SERPINI2: variants seen among roughly 807,000 people sequenced by gnomAD.
The protein encoded by SERPINI2 is serpin family I member 2, also known as serpin I2.
In SERPINI2, 48 loss-of-function variants were observed where a neutral mutation model predicts 47.3. The ratio of observed to expected loss-of-function variants is 1.02; its 90% CI spans 0.81 to 1.29. The LOEUF is 1.29. SERPINI2 is among the 50% of genes most tolerant of loss of function. The pLI is 0.00. For missense variants in SERPINI2, 448 were observed against 456.9 expected (o/e 0.98, Z 0.18); for synonymous variants, 135 against 149.3 (o/e 0.90, Z 0.70).
intron 7 of SERPINI2, chr3:167,446,909 T>A (rs1010963735): frequency 6.6e-6 from 1 of 151,250 alleles, no homozygotes; most frequent in African/African-American, 2.4e-5. Flanking sequence ...TCAAATTAAT[T>A]TTTTTTTTTA....
chr3:167,475,513 A>C (rs1750457104), upstream of SERPINI2, among the ~76,000 whole-genome samples: 1 of 151,798 alleles, frequency 6.6e-6, no homozygotes, highest in African/African-American at 2.4e-5. Context: ...TTGTTCTGTA[A>C]GGACCTTATA....
chr3:167,447,690 TATA>T (rs1337204019), intron 7 of SERPINI2, among the ~76,000 whole-genome samples: 1 of 152,204 alleles, frequency 6.6e-6, no homozygotes, highest in Non-Finnish European at 1.5e-5. Context: ...TCTTCACCAA[TATA>T]ATGAGATCAA....
intron 1 of SERPINI2, among the ~76,000 whole-genome samples, chr3:167,472,743 C>T (rs868042131): frequency 6.6e-6 from 1 of 151,946 alleles, no homozygotes; most frequent in Middle Eastern, 3.4e-3. Context: ...TATTAAAGTG[C>T]TCTCCACTAA....
At chr3:167,471,973 C>T (rs1480216712) in intron 1 of SERPINI2, 129 bp from the exon 2 acceptor site, 1 of 627,054 alleles carries the variant, frequency 1.6e-6, no homozygotes, top group Non-Finnish European at 2.7e-6. Flanking sequence ...GAACTCTATC[C>T]AATTAGATTT....
At chr3:167,474,480 G>T (rs1474516963), upstream of SERPINI2, among the ~76,000 whole-genome samples, 1 of 151,690 alleles carries the variant, frequency 6.6e-6, no homozygotes, top group African/African-American at 2.4e-5. Flanking sequence ...AATCACTGCT[G>T]CATTGACAGA....
intron 5 of SERPINI2, among the ~76,000 whole-genome samples, chr3:167,462,043 A>G (rs1004885672): frequency 1.3e-5 from 2 of 152,210 alleles, no homozygotes; most frequent in Non-Finnish European, 2.9e-5. Context: ...AGGTGTAAAG[A>G]TAACTCTTTT....
At chr3:167,466,410 G>T (rs1427599394) in intron 3 of SERPINI2, among the ~76,000 whole-genome samples, 5 of 152,244 alleles carry the variant, frequency 3.3e-5, no homozygotes, top group African/African-American at 1.2e-4. Context: ...CTTGGTATAT[G>T]CTTGTCACTT....
intron 5 of SERPINI2, among the ~76,000 whole-genome samples, chr3:167,459,143 C>T (rs1420096925): frequency 1.3e-5 from 2 of 148,982 alleles, no homozygotes; most frequent in South Asian, 2.1e-4. Context: ...GGCGGGATCT[C>T]GGCTCACTGC....
At chr3:167,475,902 G>A (rs1750470553), upstream of SERPINI2, among the ~76,000 whole-genome samples, 1 of 151,624 alleles carries the variant, frequency 6.6e-6, no homozygotes, top group Non-Finnish European at 1.5e-5. Flanking sequence ...AAGTAAAAGT[G>A]CACTTAATTC....
rs1419422289 is a variant in SERPINI2 at position 167,449,405 on chromosome 3, G to C, written c.965-3C>G. The C allele has an allele frequency of 6.3e-7, 1 of 1,583,230 alleles. No homozygotes were observed. The highest frequency in any genetic ancestry group is 1.7e-5 in the Admixed American group (1 of 57,990). ...GGAAACATACACTTCAGATGAATCT[G>C]GTTAAAAAAAAATACACAAAAGTGT... On this transcript the variant is annotated splice_polypyrimidine_tract_variant and splice_region_variant and intron_variant, in intron 6 of 8. Transcript: ENST00000264677.
exon 2 of SERPINI2, chr3:167,471,610 T>G: frequency 6.2e-7 from 1 of 1,613,552 alleles, no homozygotes. Flanking sequence ...CCTGTTGTTT[T>G]AAAGTTTGTC....
intron 8 of SERPINI2, 56 bp downstream of exon 8, chr3:167,446,336 G>A: frequency 8.5e-7 from 1 of 1,176,046 alleles, no homozygotes. Context: ...ATTAGAAACT[G>A]GAACTAGTTC....
At chr3:167,452,834 T>C in intron 6 of SERPINI2, 102 bp downstream of exon 6, 1 of 647,526 alleles carries the variant, frequency 1.5e-6, no homozygotes, top group Non-Finnish European at 2.7e-6. Context: ...TGTGCGTATA[T>C]TTATCAGAGC....
intron 5 of SERPINI2, among the ~76,000 whole-genome samples, chr3:167,454,309 T>C (rs1480070936): frequency 6.6e-6 from 1 of 152,372 alleles, no homozygotes; most frequent in East Asian, 1.9e-4. Flanking sequence ...TAAAACAATA[T>C]GTTTTTTTGG....
chr3:167,467,128 T>C (rs917684792), exon 3 of SERPINI2: 7 of 1,613,466 alleles, frequency 4.3e-6, no homozygotes, highest in South Asian at 3.3e-5. Context: ...CCACCAGTTT[T>C]ATAGCACTCT....
chr3:167,474,110 T>G lies in SERPINI2; in HGVS notation c.-118A>C, dbSNP rs181376050. ...CGATCAAGGCCAACTCCATTTATCT[T>G]GACCATTGCTTGATTAATTCCTCTA... On this transcript the variant is annotated 5_prime_UTR_variant, in exon 1 of 9. Coordinates refer to ENST00000264677, the Ensembl canonical transcript of SERPINI2. 327 of 1,002,950 alleles carry G rather than the reference T, an allele frequency of 3.3e-4. No homozygotes were observed. The African/African-American group carries it at 5.3e-3, about 16-fold the overall frequency. The allele number at this position is 1,002,950 out of a possible 1,614,324, so 62.1% of individuals were successfully genotyped here.
chr3:167,444,411 A>G lies in SERPINI2; in HGVS notation c.1141+1981T>C, dbSNP rs144313637. Among the ~76,000 whole-genome samples, 30 of 152,280 alleles carry G rather than the reference A, an allele frequency of 2.0e-4. 1 individual carries two copies. The highest frequency in any genetic ancestry group is 6.8e-3 in the Middle Eastern group (2 of 294). On this transcript the variant is annotated intron_variant, in intron 8 of 8. Transcript: ENST00000264677. ...TTGGATCAAAGAAAATTTCCAGGCT[A>G]TGTAAAAATTGATTGTACTAAACCT...
chr3:167,456,914 C>T (rs567287295), intron 5 of SERPINI2, among the ~76,000 whole-genome samples: 1 of 152,172 alleles, frequency 6.6e-6, no homozygotes, highest in South Asian at 2.1e-4. Context: ...TCATGGAATC[C>T]TCACAACACT....
chr3:167,465,182 G>A (rs748144773), intron 5 of SERPINI2, 24 bp downstream of exon 5: 22 of 1,578,480 alleles, frequency 1.4e-5, no homozygotes, highest in East Asian at 6.7e-5. Context: ...GTAAGAACTC[G>A]TATAATAAAA....
Sources: allele counts gnomAD v4.1 joint callset (sites outside exome capture counted in the v4.1 genomes callset), GRCh38; gene constraint gnomAD v4.1.1; transcripts MANE v1.5; gene names NCBI Gene and HGNC (gene_info 2026-07-23, HGNC 2026-07-21).